NMU: variants seen among roughly 807,000 people sequenced by gnomAD.
NMU encodes the protein neuromedin-U.
A neutral mutation model predicts 35.4 loss-of-function variants in NMU; 29 were observed. The ratio of observed to expected loss-of-function variants is 0.82; its 90% CI spans 0.61 to 1.12. NMU has a LOEUF of 1.12. NMU is among the 50% of genes most tolerant of loss of function. The probability of loss-of-function intolerance (pLI) is 0.00; values close to 1 mark genes in which losing one functional copy is unlikely to be tolerated. For missense variants in NMU, 199 were observed against 206.2 expected, an observed-to-expected ratio of 0.97 and a Z score of 0.21; for synonymous variants, 78 against 81.3, an observed-to-expected ratio of 0.96 and a Z score of 0.22.
At position 55,614,291 on chromosome 4, in the gene NMU, T is replaced by G. The variant is rs941416296; in HGVS notation, c.219+2047A>C. ...ATGTATTCTTCCAGAATTTATATTTTTTATTTGAGAGCCAAATCAGTAAAA... is the reference window on the plus strand; with the variant it reads ...ATGTATTCTTCCAGAATTTATATTTGTTATTTGAGAGCCAAATCAGTAAAA... On this transcript the variant is annotated intron_variant, in intron 3 of 9. Transcript: ENST00000264218. 2.6e-5 allele frequency among the ~76,000 whole-genome samples: 4 copies of G among 152,180 alleles called. No individual in the cohort carries two copies. The East Asian group carries it at 5.8e-4, about 22-fold the overall frequency.
chr4:55,596,913 A>T (rs1266751873), intron 9 of NMU, among the ~76,000 whole-genome samples: 1 of 152,198 alleles, frequency 6.6e-6, no homozygotes, highest in Non-Finnish European at 1.5e-5. Context: ...CCATTGTATA[A>T]ATCATGTCAA....
intron 2 of NMU, among the ~76,000 whole-genome samples, chr4:55,619,361 A>AGG (rs1375786034): frequency 8.0e-5 from 11 of 137,056 alleles, no homozygotes; most frequent in Non-Finnish European, 1.6e-4. Context: ...GGGAAGCGCA[A>AGG]GGGGTCAGGG....
In NMU at chr4:55,607,299, A is replaced by G; in HGVS notation, c.359T>C (p.Val120Ala). The G allele has an allele frequency of 6.2e-7, 1 of 1,601,564 alleles. No homozygotes were observed. Among genetic ancestry groups the G allele is most frequent in the Non-Finnish European group, 8.6e-7 (1 of 1,169,032 alleles). ...KTQKLGKSNV[V>A]SSVVHPLLQL... ...CTAAGAAGTAGTTCTACAACTTACCACAACATTTGACTTGCCCAACTTCTG... is the reference window on the plus strand; with the variant it reads ...CTAAGAAGTAGTTCTACAACTTACCGCAACATTTGACTTGCCCAACTTCTG... The change falls in exon 6 of 10, where the codon GTG becomes GCG. Residue 120 changes from valine (V) to alanine (A), a missense_variant and splice_region_variant. Val to Ala is a moderately conservative substitution (Grantham distance 64). Transcript: ENST00000264218.
At chr4:55,609,249 C>T in intron 3 of NMU, 70 bp from the exon 4 acceptor site, 3 of 1,206,752 alleles carry the variant, frequency 2.5e-6, no homozygotes, top group Admixed American at 3.4e-5. Flanking sequence ...GAGGTAACTA[C>T]AAAATGTTAG....
chr4:55,599,502 A>G (rs1358387278), intron 8 of NMU, among the ~76,000 whole-genome samples: 3 of 152,168 alleles, frequency 2.0e-5, no homozygotes, highest in Non-Finnish European at 2.9e-5. Context: ...TTAATTTGAT[A>G]TGAACCAAAA....
At chr4:55,619,014 C>T (rs1252429556) in intron 2 of NMU, among the ~76,000 whole-genome samples, 3 of 151,768 alleles carry the variant, frequency 2.0e-5, no homozygotes, top group Non-Finnish European at 4.4e-5. Context: ...GGACCACAGG[C>T]AAGCACCACC....
At chr4:55,627,816 A>G (rs1435882447) in intron 2 of NMU, among the ~76,000 whole-genome samples, 1 of 152,260 alleles carries the variant, frequency 6.6e-6, no homozygotes, top group African/African-American at 2.4e-5. Context: ...GAAGAGAAAA[A>G]GCATATTGCT....
At chr4:55,597,512 G>A (rs1290486470) in intron 9 of NMU, among the ~76,000 whole-genome samples, 1 of 152,022 alleles carries the variant, frequency 6.6e-6, no homozygotes, top group East Asian at 1.9e-4. Context: ...GGGATTACAG[G>A]CATGCACCAC....
chr4:55,630,453 T>C lies in NMU; in HGVS notation c.120A>G (p.Pro40=), dbSNP rs561243706. Residue 40 remains proline (P), a synonymous_variant, in exon 2 of 10, where the codon CCA becomes CCG. Coordinates refer to ENST00000264218, the MANE Select transcript of NMU (RefSeq NM_006681.4). ...AWCAGACRGA[P]ILPQGLQPEQ... is the part of the protein sequence containing the mutation. The stretch of plus-strand genomic sequence containing the variant: ...CAGGCTGTAATCCTTGAGGTAATAT[T>C]GGAGCACCTAAAAATAAAGTTGTAG... 1.9e-5 allele frequency: 30 copies of C among 1,611,388 alleles called. No individual in the cohort carries two copies. The East Asian group carries it at 6.0e-4, about 32-fold the overall frequency.
At chr4:55,616,708 G>A (rs1734119347) in intron 2 of NMU, among the ~76,000 whole-genome samples, 1 of 152,136 alleles carries the variant, frequency 6.6e-6, no homozygotes, top group African/African-American at 2.4e-5. Context: ...TGTGAGAGCT[G>A]GCTAAAGAAT....
chr4:55,634,295 G>GT (rs926577468), intron 1 of NMU, among the ~76,000 whole-genome samples: 2 of 152,042 alleles, frequency 1.3e-5, no homozygotes, highest in East Asian at 1.9e-4. Flanking sequence ...GATAAAATTA[G>GT]TTTTTTTAGT....
chr4:55,601,669 A>G (rs1048964953), intron 7 of NMU, among the ~76,000 whole-genome samples: 4 of 152,118 alleles, frequency 2.6e-5, no homozygotes, highest in African/African-American at 9.7e-5. Flanking sequence ...ACACATATAA[A>G]CCATATGTTT....
At chr4:55,613,181 TA>T (rs912377465) in intron 3 of NMU, among the ~76,000 whole-genome samples, 3 of 151,700 alleles carry the variant, frequency 2.0e-5, no homozygotes, top group South Asian at 2.1e-4. Flanking sequence ...AGGGTTAGGA[TA>T]AAAAAAATAC....
At chr4:55,635,213 G>C (rs1715849045) in intron 1 of NMU, among the ~76,000 whole-genome samples, 3 of 152,136 alleles carry the variant, frequency 2.0e-5, no homozygotes, top group Non-Finnish European at 4.4e-5. Flanking sequence ...GTCCCCATAA[G>C]GCACCTGCAA....
Position 55,607,456 on chromosome 4 carries a change from T to C in NMU, c.290A>G (p.Glu97Gly). The change falls in exon 5 of 10, where the codon GAA becomes GGA. Residue 97 changes from glutamate to glycine, a missense_variant. By Grantham distance (98) the Glu-to-Gly change is moderately conservative (BLOSUM62 -2). Transcript: ENST00000264218. ...GMLPKPQEQD[E>G]KDNTKRFLFH... ...TCTTACCCTTTTAGTATTATCTTTTTCATCTTGTTCCTATTGAAAAGAGAT... is the reference window on the plus strand; with the variant it reads ...TCTTACCCTTTTAGTATTATCTTTTCCATCTTGTTCCTATTGAAAAGAGAT... 1.0e-6 allele frequency: 1 copy of C among 989,356 alleles called. No individual in the cohort carries two copies. Among genetic ancestry groups the C allele is most frequent in the African/African-American group, 1.6e-5 (1 of 62,296 alleles). 61.3% of individuals were successfully genotyped at this position (989,356 alleles called of 1,614,324 possible).
intron 2 of NMU, among the ~76,000 whole-genome samples, chr4:55,619,511 C>G (rs1200965490): frequency 2.8e-5 from 4 of 142,736 alleles, no homozygotes; most frequent in Non-Finnish European, 3.1e-5. Flanking sequence ...CTCAGAGGGT[C>G]CTACGCCCAC....
intron 1 of NMU, among the ~76,000 whole-genome samples, chr4:55,632,286 C>T (rs1251807381): frequency 1.3e-5 from 2 of 151,180 alleles, no homozygotes; most frequent in Non-Finnish European, 3.0e-5. Context: ...ATTTTTTTTT[C>T]CTAATTCTAC....
chr4:55,600,648 T>C (rs1186173658), intron 7 of NMU, 73 bp from the exon 8 acceptor site: 4 of 1,075,692 alleles, frequency 3.7e-6, no homozygotes, highest in Non-Finnish European at 4.3e-6. Flanking sequence ...TGAAAGTATA[T>C]TGAGGGTCAA....
At chr4:55,598,089 G>GTTTTTTTTTTTTTTT (rs10588154) in intron 9 of NMU, among the ~76,000 whole-genome samples, 1 of 85,394 alleles carries the variant, frequency 1.2e-5, no homozygotes, top group Non-Finnish European at 2.2e-5. Context: ...TTTGGTTGTG[G>GTTTTTTTTTTTTTTT]TTTTTTTTTT....
Sources: allele counts gnomAD v4.1 joint callset (sites outside exome capture counted in the v4.1 genomes callset), GRCh38; gene constraint gnomAD v4.1.1; transcripts MANE v1.5; gene names NCBI Gene and HGNC (gene_info 2026-07-23, HGNC 2026-07-21).